CSMD1: variants seen among roughly 807,000 people sequenced by gnomAD.
CSMD1 encodes CUB and sushi domain-containing protein 1.
In CSMD1, 213 loss-of-function variants were observed where a neutral mutation model predicts 417.5. The ratio of observed to expected loss-of-function variants is 0.51; its 90% CI spans 0.46 to 0.57. CSMD1 has a LOEUF of 0.57. Among genes scored for constraint, CSMD1 ranks in the 20% least tolerant of loss-of-function variants. The probability of loss-of-function intolerance (pLI) is 0.00; values close to 1 mark genes in which losing one functional copy is unlikely to be tolerated. For synonymous variants in CSMD1, 2,862 were observed against 1,736.8 expected (o/e 1.65, Z -16.11); for missense variants, 6,923 against 4,529.7 (o/e 1.53, Z -15.17).
intron 3 of CSMD1, among the ~76,000 whole-genome samples, chr8:4,324,674 G>A (rs913930701): frequency 6.6e-5 from 10 of 152,198 alleles, no homozygotes; most frequent in African/African-American, 2.4e-4. Flanking sequence ...CCAGCTCAGA[G>A]GATATAAGGG....
chr8:4,016,671 G>A (rs994375798), intron 4 of CSMD1, among the ~76,000 whole-genome samples: 1 of 152,202 alleles, frequency 6.6e-6, no homozygotes, highest in Admixed American at 6.5e-5. Context: ...ACTCTGTAAA[G>A]CAAGAGCTTC....
chr8:4,212,577 G>C (rs1218975010), intron 3 of CSMD1, among the ~76,000 whole-genome samples: 1 of 151,644 alleles, frequency 6.6e-6, no homozygotes, highest in Non-Finnish European at 1.5e-5. Flanking sequence ...AGTTGATCAA[G>C]GCCTGACATT....
At chr8:4,261,576 CTATT>C (rs1315388541) in intron 3 of CSMD1, among the ~76,000 whole-genome samples, 1 of 151,356 alleles carries the variant, frequency 6.6e-6, no homozygotes, top group Non-Finnish European at 1.5e-5. Flanking sequence ...TTTATTTTAC[CTATT>C]TATTTATTTT....
chr8:4,276,762 G>C (rs1796511502), intron 3 of CSMD1, among the ~76,000 whole-genome samples: 1 of 152,110 alleles, frequency 6.6e-6, no homozygotes, highest in Non-Finnish European at 1.5e-5. Context: ...TTTCTGTGTA[G>C]AAGGAAAACC....
intron 26 of CSMD1, among the ~76,000 whole-genome samples, chr8:3,274,672 C>A (rs1381344228): frequency 6.6e-6 from 1 of 152,100 alleles, no homozygotes; most frequent in African/African-American, 2.4e-5. Context: ...GATCCCTTTA[C>A]CATTATGTAA....
intron 1 of CSMD1, among the ~76,000 whole-genome samples, chr8:4,954,128 T>G (rs1415795951): frequency 6.6e-6 from 1 of 152,218 alleles, no homozygotes; most frequent in Non-Finnish European, 1.5e-5. Flanking sequence ...TATTTCTAAA[T>G]GCCAAAGAGT....
intron 1 of CSMD1, among the ~76,000 whole-genome samples, chr8:4,645,656 C>T (rs376840759): frequency 6.6e-6 from 1 of 151,896 alleles, no homozygotes; most frequent in South Asian, 2.1e-4. Context: ...AGGTAGGAAG[C>T]AGGGGTAGAC....
At chr8:3,634,727 T>C (rs552152224) in intron 7 of CSMD1, among the ~76,000 whole-genome samples, 43 of 152,318 alleles carry the variant, frequency 2.8e-4, no homozygotes, top group Middle Eastern at 3.4e-3. Flanking sequence ...TCAGCCTTTC[T>C]GGATTGAGCC....
intron 41 of CSMD1, among the ~76,000 whole-genome samples, chr8:3,134,605 T>G (rs1817976919): frequency 6.6e-6 from 1 of 152,228 alleles, no homozygotes; most frequent in African/African-American, 2.4e-5. Context: ...ATTGTTCTTT[T>G]TAAACTGACT....
chr8:3,334,794 C>G (rs903226471), intron 23 of CSMD1, among the ~76,000 whole-genome samples: 4 of 152,068 alleles, frequency 2.6e-5, no homozygotes, highest in Non-Finnish European at 5.9e-5. Flanking sequence ...CTTCCTAGGT[C>G]TCTCTCTAAT....
chr8:3,642,105 G>C (rs892493920), intron 7 of CSMD1, among the ~76,000 whole-genome samples: 1 of 151,914 alleles, frequency 6.6e-6, no homozygotes, highest in Non-Finnish European at 1.5e-5. Flanking sequence ...ACAGCCTACA[G>C]CCACTCAAAA....
At chr8:4,377,986 C>G (rs951555599) in intron 3 of CSMD1, among the ~76,000 whole-genome samples, 1 of 152,168 alleles carries the variant, frequency 6.6e-6, no homozygotes, top group Non-Finnish European at 1.5e-5. Context: ...GTGCTGTCAA[C>G]AACATTTAAA....
chr8:4,835,624 T>C (rs1800431254), intron 1 of CSMD1, among the ~76,000 whole-genome samples: 2 of 152,202 alleles, frequency 1.3e-5, no homozygotes, highest in Admixed American at 1.3e-4. Flanking sequence ...ATAACCTGAA[T>C]TGCTCAGGTG....
intron 50 of CSMD1, among the ~76,000 whole-genome samples, chr8:3,043,318 T>A (rs1811233005): frequency 6.6e-6 from 1 of 151,488 alleles, no homozygotes; most frequent in Non-Finnish European, 1.5e-5. Flanking sequence ...TGGTGATATA[T>A]ATAGTATATA....
chr8:4,270,745 C>A (rs1305675876), intron 3 of CSMD1, among the ~76,000 whole-genome samples: 1 of 152,162 alleles, frequency 6.6e-6, no homozygotes, highest in African/African-American at 2.4e-5. Context: ...TGTTTGAGGA[C>A]AGTGCTACTC....
intron 54 of CSMD1, among the ~76,000 whole-genome samples, chr8:2,981,150 G>C (rs1805381832): frequency 6.6e-6 from 1 of 152,236 alleles, no homozygotes. Context: ...ATTTGTCCAT[G>C]ATAGAACTTC....
At chr8:4,316,174 T>A (rs1259360707) in intron 3 of CSMD1, among the ~76,000 whole-genome samples, 2 of 152,164 alleles carry the variant, frequency 1.3e-5, no homozygotes, top group African/African-American at 2.4e-5. Context: ...TTATGTAGAT[T>A]AGCTAAATTT....
At chr8:3,708,929 T>C (rs1374144464) in intron 6 of CSMD1, among the ~76,000 whole-genome samples, 4 of 152,164 alleles carry the variant, frequency 2.6e-5, no homozygotes, top group African/African-American at 9.7e-5. Context: ...TGTATTCATA[T>C]ATTCATTTAC....
intron 5 of CSMD1, among the ~76,000 whole-genome samples, chr8:3,879,824 G>GGTGTGC (rs71203486): frequency 0.11 from 16,133 of 140,600 alleles, 1,102 homozygotes; most frequent in Non-Finnish European, 0.16. Context: ...AGTGTGTACC[G>GGTGTGC]GTGTGCGTGT....
Sources: allele counts gnomAD v4.1 joint callset (sites outside exome capture counted in the v4.1 genomes callset), GRCh38; gene constraint gnomAD v4.1.1; transcripts MANE v1.5; gene names NCBI Gene and HGNC (gene_info 2026-07-23, HGNC 2026-07-21).